TADA1: variants seen among roughly 807,000 people sequenced by gnomAD.
TADA1 encodes the protein transcriptional adapter 1.
Under a neutral mutation model 39.3 loss-of-function variants are expected in TADA1, and 23 were observed. The observed-to-expected ratio is 0.58, with a 90% CI of 0.42 to 0.83. The LOEUF (loss-of-function observed/expected upper bound fraction) is 0.83. Among genes scored for constraint, TADA1 ranks in the 40% least tolerant of loss-of-function variants. The pLI, the probability that TADA1 is intolerant of heterozygous loss-of-function variation, is 0.00. For missense variants in TADA1, 352 were observed against 408.1 expected, an observed-to-expected ratio of 0.86 and a Z score of 1.18; for synonymous variants, 137 against 151.8, an observed-to-expected ratio of 0.90 and a Z score of 0.72.
Position 166,876,212 on chromosome 1 carries a change from G to A in TADA1, c.22C>T (p.Leu8=), listed in dbSNP as rs749933788. The A allele has an allele frequency of 6.2e-7, 1 of 1,613,476 alleles. No homozygotes were observed. Among genetic ancestry groups the A allele is most frequent in the East Asian group, 2.2e-5 (1 of 44,850 alleles). MATFVSE[L]EAAKKNLSEA... ...CTTAAGTTCTTCTTGGCCGCCTCCAGCTCGCTCACAAAGGTCGCCATTGCT... is the reference window on the plus strand; with the variant it reads ...CTTAAGTTCTTCTTGGCCGCCTCCAACTCGCTCACAAAGGTCGCCATTGCT... Residue 8 remains leucine (L), a synonymous_variant, in exon 1 of 8, where the codon CTG becomes TTG. Coordinates refer to ENST00000367874, the MANE Select transcript of TADA1 (RefSeq NM_053053.4).
At chr1:166,876,017 G>C in intron 1 of TADA1, 143 bp downstream of exon 1, 2 of 776,016 alleles carry the variant, frequency 2.6e-6, no homozygotes, top group Non-Finnish European at 1.9e-6. Flanking sequence ...GCCCCGGCCG[G>C]AGAAACCCCG....
intron 2 of TADA1, 92 bp from the exon 3 acceptor site, chr1:166,869,602 T>G: frequency 6.9e-7 from 1 of 1,441,264 alleles, no homozygotes. Flanking sequence ...ATTTTGGATA[T>G]CCCCTATTCT....
In TADA1 at chr1:166,866,578, T is replaced by G. The variant is rs141480803; in HGVS notation, c.233-2657A>C. Among the ~76,000 whole-genome samples, 1,017 of 152,268 alleles carry G rather than the reference T, an allele frequency of 6.7e-3. 7 individuals are homozygous for G. Among genetic ancestry groups the G allele is most frequent in the African/African-American group, 0.023 (957 of 41,558 alleles). Reference sequence around the variant, plus strand: ...CAAATATTAATTTCATTTTGAGAAATTTGGGGTGTTCAATGGAAGAATACA... The same window carrying G: ...CAAATATTAATTTCATTTTGAGAAAGTTGGGGTGTTCAATGGAAGAATACA... On this transcript the variant is annotated intron_variant, in intron 3 of 7. Transcript: ENST00000367874.
In TADA1 at chr1:166,876,139, CTGTGCTAGGG is replaced by C; in HGVS notation, c.74+11_74+20del. ...GAGCACCCGCGTGTTGGCCTGGACG[CTGTGCTAGGG>C]CAGCTCTTACTGTTTCACGTTGTCC... On this transcript the variant is annotated intron_variant, in intron 1 of 7. Transcript: ENST00000367874. The C allele has an allele frequency of 6.2e-7, 1 of 1,605,102 alleles. No individual in the cohort carries two copies. Among genetic ancestry groups the C allele is most frequent in the South Asian group, 1.1e-5 (1 of 89,680 alleles).
At chr1:166,865,407 A>G (rs1044649005) in intron 3 of TADA1, among the ~76,000 whole-genome samples, 1 of 152,170 alleles carries the variant, frequency 6.6e-6, no homozygotes, top group Admixed American at 6.5e-5. Flanking sequence ...GGGTGGGAAC[A>G]AGCTTTTATC....
At chr1:166,869,709 C>T (rs986933885) in intron 2 of TADA1, 54 bp downstream of exon 2, 2 of 1,567,132 alleles carry the variant, frequency 1.3e-6, no homozygotes, top group African/African-American at 2.7e-5. Flanking sequence ...GACTTTACTA[C>T]AAATCTAGGA....
chr1:166,862,673 A>C, intron 4 of TADA1: 1 of 510,620 alleles, frequency 2.0e-6, no homozygotes, highest in Non-Finnish European at 3.5e-6. Flanking sequence ...CTTGGTGATC[A>C]CAGAATGTAT....
intron 3 of TADA1, chr1:166,868,614 G>C (rs1371625365): frequency 6.6e-6 from 1 of 152,268 alleles, no homozygotes; most frequent in Non-Finnish European, 1.5e-5. Context: ...GGTAATATAA[G>C]TACAGGGACA....
intron 3 of TADA1, among the ~76,000 whole-genome samples, chr1:166,866,890 GC>G (rs750199879): frequency 3.3e-5 from 5 of 151,866 alleles, no homozygotes; most frequent in Non-Finnish European, 5.9e-5. Flanking sequence ...GATTACAGGT[GC>G]CTACCACCAT....
At chr1:166,869,323 A>G in intron 3 of TADA1, 122 bp downstream of exon 3, 1 of 695,286 alleles carries the variant, frequency 1.4e-6, no homozygotes, top group Non-Finnish European at 2.3e-6. Context: ...TACCTAATAA[A>G]ACTTTTCTTC....
In TADA1 at chr1:166,857,451, C is replaced by T; in HGVS notation, c.*116G>A. 1 of 1,202,580 alleles carries T rather than the reference C, an allele frequency of 8.3e-7. No individual in the cohort carries two copies. Among genetic ancestry groups the T allele is most frequent in the Non-Finnish European group, 1.2e-6 (1 of 862,344 alleles). The allele number at this position is 1,202,580 out of a possible 1,614,324, so 74.5% of individuals were successfully genotyped here. On this transcript the variant is annotated 3_prime_UTR_variant, in exon 8 of 8. Coordinates refer to ENST00000367874, the MANE Select transcript of TADA1 (RefSeq NM_053053.4). Reference sequence around the variant, plus strand: ...CAAAATGTACTCAATGTCACATTTCCATAGGAAAGGTTATATATACACTAT... The same window carrying T: ...CAAAATGTACTCAATGTCACATTTCTATAGGAAAGGTTATATATACACTAT...
Position 166,872,816 on chromosome 1 carries a change from T to C in TADA1, c.75-2962A>G, listed in dbSNP as rs548467235. Among the ~76,000 whole-genome samples the C allele has an allele frequency of 3.9e-5, 6 of 152,328 alleles. 1 individual carries two copies. The highest frequency in any genetic ancestry group is 1.4e-4 in the African/African-American group (6 of 41,572). ...GACCTGTGAGCCAAACTAACTTCTT[T>C]ATAAATTACCCAGCCTCAACTATTC... On this transcript the variant is annotated intron_variant, in intron 1 of 7. Coordinates refer to ENST00000367874, the MANE Select transcript of TADA1 (RefSeq NM_053053.4).
chr1:166,860,319 G>A lies in TADA1; in HGVS notation c.559C>T (p.Leu187=). 1 of 1,609,910 alleles carries A rather than the reference G, an allele frequency of 6.2e-7. No homozygotes were observed. The highest frequency in any genetic ancestry group is 8.5e-7 in the Non-Finnish European group (1 of 1,178,640). Residue 187 remains leucine (L), a synonymous_variant, in exon 6 of 8, where the codon CTG becomes TTG. Coordinates refer to ENST00000367874, the MANE Select transcript of TADA1 (RefSeq NM_053053.4). The part of the protein sequence containing the change: ...YAVENHLKDI[L]TSVVSRRKAY... ...TTCCTTCTTGACACAACTGACGTCA[G>A]TATATCTTTAAGGTGATTCTGTAAA...
intron 3 of TADA1, among the ~76,000 whole-genome samples, chr1:166,865,679 C>T (rs996438643): frequency 5.3e-5 from 8 of 151,682 alleles, no homozygotes; most frequent in African/African-American, 1.2e-4. Context: ...ATTAGCCGGG[C>T]GTGGTGGTGG....
Position 166,876,241 on chromosome 1 carries a change from C to G in TADA1, c.-8G>C, listed in dbSNP as rs772170311. On this transcript the variant is annotated 5_prime_UTR_variant, in exon 1 of 8. Coordinates refer to ENST00000367874, the MANE Select transcript of TADA1 (RefSeq NM_053053.4). ...GCTCACAAAGGTCGCCATTGCTCCG[C>G]GTGTCTCAGCCCGACCGCAGACCGC... 9.3e-6 allele frequency: 15 copies of G among 1,612,710 alleles called. No individual in the cohort carries two copies. The South Asian group carries it at 1.7e-4, about 18-fold the overall frequency.
At position 166,857,052 on chromosome 1, in the gene TADA1, C is replaced by T. The variant is rs1157064217; in HGVS notation, c.*515G>A. ...GATAAATTTCTCAGGGGCTACCTAT[C>T]GCTATTAAAATTTGAACTGGTCACT... is the stretch of plus-strand genomic sequence containing the variant. On this transcript the variant is annotated 3_prime_UTR_variant, in exon 8 of 8. Transcript: ENST00000367874. 2.0e-5 allele frequency: 3 copies of T among 152,734 alleles called. No homozygotes were observed. The highest frequency in any genetic ancestry group is 4.8e-5 in the African/African-American group (2 of 41,434). 9.5% of individuals were successfully genotyped at this position (152,734 alleles called of 1,614,324 possible).
intron 3 of TADA1, among the ~76,000 whole-genome samples, chr1:166,865,024 C>A (rs1363944066): frequency 6.6e-6 from 1 of 151,554 alleles, no homozygotes; most frequent in Non-Finnish European, 1.5e-5. Flanking sequence ...ATGAAAAGGA[C>A]AATAATTAAT....
intron 6 of TADA1, 123 bp downstream of exon 6, chr1:166,860,063 T>G: frequency 2.2e-6 from 2 of 927,820 alleles, no homozygotes; most frequent in Non-Finnish European, 3.1e-6. Flanking sequence ...AAAAATAAAA[T>G]TGTACTCCTA....
chr1:166,873,765 C>A lies in TADA1; in HGVS notation c.74+2395G>T, dbSNP rs142105662. On this transcript the variant is annotated intron_variant, in intron 1 of 7. Coordinates refer to ENST00000367874, the MANE Select transcript of TADA1 (RefSeq NM_053053.4). ...TTAGTGGGGATTCACACTCCAGATG[C>A]ACCAAATTTAGCTTCAGCATCAGTA... Among the ~76,000 whole-genome samples the A allele has an allele frequency of 2.8e-3, 433 of 152,284 alleles. 6 individuals are homozygous for A. Among genetic ancestry groups the A allele is most frequent in the African/African-American group, 9.9e-3 (413 of 41,544 alleles).
Sources: allele counts gnomAD v4.1 joint callset (sites outside exome capture counted in the v4.1 genomes callset), GRCh38; gene constraint gnomAD v4.1.1; transcripts MANE v1.5; gene names NCBI Gene and HGNC (gene_info 2026-07-23, HGNC 2026-07-21).